CTNNA2: variants seen among roughly 807,000 people sequenced by gnomAD.
The protein encoded by CTNNA2 is catenin alpha-2.
A neutral mutation model predicts 101.0 loss-of-function variants in CTNNA2; 42 were observed. That is an observed-to-expected ratio of 0.42 (90% CI 0.32 to 0.54). The LOEUF is 0.54. CTNNA2 is among the 20% of genes least tolerant of loss of function. CTNNA2 has a pLI of 0.14. For missense variants in CTNNA2, 871 were observed against 1,223.1 expected, an observed-to-expected ratio of 0.71 and a Z score of 4.29; for synonymous variants, 450 against 456.4, an observed-to-expected ratio of 0.99 and a Z score of 0.18.
rs1469296397 is a variant in CTNNA2 at position 80,376,645 on chromosome 2, A to AC, written c.1057-16566_1057-16565insC. Among the ~76,000 whole-genome samples the AC allele has an allele frequency of 2.4e-3, 359 of 152,274 alleles. 2 individuals are homozygous for AC. The highest frequency in any genetic ancestry group is 8.3e-3 in the African/African-American group (346 of 41,552). On this transcript the variant is annotated intron_variant, in intron 7 of 18. Coordinates refer to ENST00000402739, the MANE Select transcript of CTNNA2 (RefSeq NM_001282597.3). ...ATGGTGGAGAGGACATTTAGAAAAG[A>AC]ATGTTTTTCTTGCTGTTCAGACCCA...
chr2:80,341,580 G>T (rs762089008), intron 7 of CTNNA2, among the ~76,000 whole-genome samples: 20 of 152,130 alleles, frequency 1.3e-4, no homozygotes, highest in Non-Finnish European at 1.5e-4. Flanking sequence ...CACCCACTAG[G>T]ATGGCTATAA....
In CTNNA2 at chr2:80,017,379, C is replaced by T. The variant is rs529570059; in HGVS notation, c.1056+107582C>T. ...GTAGTTCTTCCTGTATATATATATCCTTGTTGATTTACATTGATGTGTACA... is the reference window on the plus strand; with the variant it reads ...GTAGTTCTTCCTGTATATATATATCTTTGTTGATTTACATTGATGTGTACA... On this transcript the variant is annotated intron_variant, in intron 7 of 18. Coordinates refer to ENST00000402739, the MANE Select transcript of CTNNA2 (RefSeq NM_001282597.3). Among the ~76,000 whole-genome samples, 10 of 151,580 alleles carry T rather than the reference C, an allele frequency of 6.6e-5. 2 individuals are homozygous for T. Among genetic ancestry groups the T allele is most frequent in the African/African-American group, 1.9e-4 (8 of 41,252 alleles).
At position 80,648,326 on chromosome 2, in the gene CTNNA2, G is replaced by T. The variant is rs998827798; in HGVS notation, c.*454G>T. 6.5e-6 allele frequency: 1 copy of T among 153,264 alleles called. No homozygotes were observed. The highest frequency in any genetic ancestry group is 1.5e-5 in the Non-Finnish European group (1 of 68,488). 9.5% of individuals were successfully genotyped at this position (153,264 alleles called of 1,614,324 possible). Reference sequence around the variant, plus strand: ...AGTGCAAAAATGTACTAGCCAATACGCTTAAGTGTGTGGCCCATGAATTGA... The same window carrying T: ...AGTGCAAAAATGTACTAGCCAATACTCTTAAGTGTGTGGCCCATGAATTGA... On this transcript the variant is annotated 3_prime_UTR_variant, in exon 19 of 19. Coordinates refer to ENST00000402739, the MANE Select transcript of CTNNA2 (RefSeq NM_001282597.3).
chr2:80,184,475 T>C (rs1055287353), intron 7 of CTNNA2, among the ~76,000 whole-genome samples: 1 of 152,194 alleles, frequency 6.6e-6, no homozygotes, highest in Non-Finnish European at 1.5e-5. Context: ...AGAATAGTTT[T>C]GATGAATTGA....
intron 7 of CTNNA2, among the ~76,000 whole-genome samples, chr2:80,271,576 C>T (rs913394185): frequency 1.6e-4 from 24 of 152,140 alleles, no homozygotes; most frequent in African/African-American, 5.8e-4. Flanking sequence ...CGCAAGCCAC[C>T]ACGCCAGGCT....
Position 80,647,960 on chromosome 2 carries a change from CT to C in CTNNA2, c.*89del. On this transcript the variant is annotated 3_prime_UTR_variant, in exon 19 of 19. Coordinates refer to ENST00000402739, the MANE Select transcript of CTNNA2 (RefSeq NM_001282597.3). ...CCATTTTTGTATGCATACCTGCCAGCTCGTATGCCTCTGGCATGGGGAAATT... is the reference window on the plus strand; with the variant it reads ...CCATTTTTGTATGCATACCTGCCAGCCGTATGCCTCTGGCATGGGGAAATT... The C allele has an allele frequency of 7.9e-7, 1 of 1,264,898 alleles. No homozygotes were observed. 78.4% of individuals were successfully genotyped at this position (1,264,898 alleles called of 1,614,324 possible).
intron 3 of CTNNA2, among the ~76,000 whole-genome samples, chr2:79,353,493 C>T (rs1677437571): frequency 6.6e-6 from 1 of 152,002 alleles, no homozygotes; most frequent in South Asian, 2.1e-4. Context: ...AGCAACAACC[C>T]CTCTTTTTTG....
At chr2:79,895,063 A>G (rs899154793) in intron 6 of CTNNA2, among the ~76,000 whole-genome samples, 1 of 152,082 alleles carries the variant, frequency 6.6e-6, no homozygotes, top group Admixed American at 6.6e-5. Context: ...TCTTGAGTTA[A>G]CTCTCTTAGG....
At chr2:80,185,058 T>C (rs1706032606) in intron 7 of CTNNA2, among the ~76,000 whole-genome samples, 1 of 152,142 alleles carries the variant, frequency 6.6e-6, no homozygotes, top group Admixed American at 6.5e-5. Flanking sequence ...GTTCTGTGAG[T>C]TGTGAATTCA....
intron 2 of CTNNA2, among the ~76,000 whole-genome samples, chr2:79,654,181 C>T (rs1681451309): frequency 6.6e-6 from 1 of 152,164 alleles, no homozygotes; most frequent in Non-Finnish European, 1.5e-5. Flanking sequence ...ATTCTTCCAG[C>T]CTTTTCTCAT....
intron 7 of CTNNA2, among the ~76,000 whole-genome samples, chr2:80,266,577 A>G (rs974875993): frequency 1.3e-5 from 2 of 152,258 alleles, no homozygotes; most frequent in African/African-American, 4.8e-5. Flanking sequence ...GAGAGCTAGT[A>G]GGAATTTTCC....
intron 4 of CTNNA2, 144 bp from the exon 5 acceptor site, chr2:79,869,672 A>G (rs1277719733): frequency 2.9e-6 from 3 of 1,033,068 alleles, no homozygotes; most frequent in African/African-American, 3.3e-5. Flanking sequence ...CATGATTGTT[A>G]GAGGAACTCT....
intron 3 of CTNNA2, among the ~76,000 whole-genome samples, chr2:79,367,152 G>A (rs1193999107): frequency 6.6e-6 from 1 of 152,138 alleles, no homozygotes; most frequent in Non-Finnish European, 1.5e-5. Flanking sequence ...CTACTCCCGT[G>A]CATCACAGAA....
chr2:79,991,468 A>C (rs946017235), intron 7 of CTNNA2, among the ~76,000 whole-genome samples: 4 of 152,138 alleles, frequency 2.6e-5, no homozygotes, highest in Admixed American at 1.3e-4. Flanking sequence ...TCCCCTAGAG[A>C]AGAAAATTCC....
intron 2 of CTNNA2, among the ~76,000 whole-genome samples, chr2:79,250,326 C>G (rs1341645154): frequency 6.6e-6 from 1 of 152,178 alleles, no homozygotes; most frequent in Non-Finnish European, 1.5e-5. Flanking sequence ...TGGGCTCCAG[C>G]ATATTCACAG....
At chr2:80,155,544 T>G (rs1703956355) in intron 7 of CTNNA2, among the ~76,000 whole-genome samples, 1 of 152,248 alleles carries the variant, frequency 6.6e-6, no homozygotes, top group Non-Finnish European at 1.5e-5. Flanking sequence ...TCATTTCCTT[T>G]CCTTTTCTTC....
chr2:79,339,744 C>G (rs1225524953), intron 3 of CTNNA2: 1 of 152,122 alleles, frequency 6.6e-6, no homozygotes, highest in Non-Finnish European at 1.5e-5. Context: ...GAGTGCTGCC[C>G]CACGCTGCCT....
chr2:79,730,793 C>T (rs1461243749), intron 2 of CTNNA2, among the ~76,000 whole-genome samples: 1 of 151,604 alleles, frequency 6.6e-6, no homozygotes, highest in Non-Finnish European at 1.5e-5. Context: ...ATACACAGGA[C>T]ACAAATATAG....
intron 3 of CTNNA2, among the ~76,000 whole-genome samples, chr2:79,795,326 TAA>T (rs1675612199): frequency 6.6e-6 from 1 of 152,098 alleles, no homozygotes; most frequent in Non-Finnish European, 1.5e-5. Context: ...CTAATTGTCT[TAA>T]AAGATTTAAA....
Sources: allele counts gnomAD v4.1 joint callset (sites outside exome capture counted in the v4.1 genomes callset), GRCh38; gene constraint gnomAD v4.1.1; transcripts MANE v1.5; gene names NCBI Gene and HGNC (gene_info 2026-07-23, HGNC 2026-07-21).